Variants in SCN11A observed in about 807,000 individuals in gnomAD.
SCN11A encodes the protein sodium voltage-gated channel alpha subunit 11.
SCN11A carries 122 observed loss-of-function variants against 162.2 expected under a neutral mutation model. The ratio of observed to expected loss-of-function variants is 0.75; its 90% CI spans 0.65 to 0.87. The LOEUF is 0.87. Among genes scored for constraint, SCN11A ranks in the 40% least tolerant of loss-of-function variants. The pLI is 0.00. For missense variants in SCN11A, 2,015 were observed against 2,181.6 expected (o/e 0.92, Z 1.52); for synonymous variants, 758 against 751.5 (o/e 1.01, Z -0.14).
rs1380850051 is a variant in SCN11A at position 39,026,272 on chromosome 3, T to A, written c.-280+6108A>T. On this transcript the variant is annotated intron_variant, in intron 2 of 29. Coordinates refer to ENST00000302328, the MANE Select transcript of SCN11A (RefSeq NM_001349253.2). ...TAAAATAATCCTGTGTTCTTTTTTA[T>A]GTGTGAAGGTTCACTTTCTGAAAAT... Among the ~76,000 whole-genome samples, 6 of 152,366 alleles carry A rather than the reference T, an allele frequency of 3.9e-5. No individual in the cohort carries two copies. The East Asian group carries it at 1.2e-3, about 29-fold the overall frequency.
chr3:38,982,054 AACAG>A (rs2030077729), intron 2 of SCN11A, among the ~76,000 whole-genome samples: 1 of 152,062 alleles, frequency 6.6e-6, no homozygotes, highest in Non-Finnish European at 1.5e-5. Flanking sequence ...AAAAAACAAA[AACAG>A]ACAAACAAAA....
chr3:38,879,921 T>G lies in SCN11A; in HGVS notation c.3393+29A>C, dbSNP rs7625935. The G allele has an allele frequency of 0.059, 94,579 of 1,596,300 alleles. 4,701 individuals carry two copies. Among genetic ancestry groups the G allele is most frequent in the African/African-American group, 0.26 (19,301 of 74,408 alleles). On this transcript the variant is annotated intron_variant, in intron 23 of 29. Coordinates refer to ENST00000302328, the MANE Select transcript of SCN11A (RefSeq NM_001349253.2). ...CCCTGCCTTAACCACTACCCCAGCC[T>G]GTGTGGGACACAGAGATGGTAAACT...
At chr3:38,946,495 C>G (rs1029415566) in intron 6 of SCN11A, among the ~76,000 whole-genome samples, 1 of 152,216 alleles carries the variant, frequency 6.6e-6, no homozygotes, top group African/African-American at 2.4e-5. Flanking sequence ...AAGAAGCCAT[C>G]CTTGATGCCT....
chr3:38,944,786 C>T (rs1452001655), intron 7 of SCN11A, among the ~76,000 whole-genome samples: 1 of 151,798 alleles, frequency 6.6e-6, no homozygotes. Context: ...CATGGTGAAA[C>T]CCTGTCTCTA....
chr3:39,011,788 C>T (rs996038249), intron 2 of SCN11A, among the ~76,000 whole-genome samples: 4 of 152,134 alleles, frequency 2.6e-5, no homozygotes, highest in Admixed American at 1.3e-4. Flanking sequence ...TGCTCTGTCT[C>T]ATCCTAACCA....
rs1266720229 is a variant in SCN11A at position 38,926,842 on chromosome 3, T to C, written c.578A>G (p.Asp193Gly). ...FILDEFSFLRDPWNWLDSIVI... is the reference protein window; with the variant it reads ...FILDEFSFLRGPWNWLDSIVI... ...AATGGAGTCCAGCCAGTTCCATGGA[T>C]CTCGAAGGAAAGAAAACTCATCCAG... is the stretch of plus-strand genomic sequence containing the variant. The change falls in exon 8 of 30, where the codon GAT (aspartate) becomes GGT (glycine). Residue 193 changes from aspartate to glycine, a missense_variant. Physicochemically the swap from Asp to Gly is moderately conservative, Grantham distance 94. Transcript: ENST00000302328. 2.5e-6 allele frequency: 4 copies of C among 1,613,674 alleles called. No individual in the cohort carries two copies. Among genetic ancestry groups the C allele is most frequent in the Admixed American group, 1.7e-5 (1 of 60,016 alleles).
In SCN11A at chr3:38,869,993, T is replaced by C. The variant is rs575610067; in HGVS notation, c.3813+698A>G. ...GGCATCAACTCTGCAGACTCCCAAA[T>C]AGGTCGAAACACACACATGTGCTAT... On this transcript the variant is annotated intron_variant, in intron 26 of 29. Coordinates refer to ENST00000302328, the MANE Select transcript of SCN11A (RefSeq NM_001349253.2). Among the ~76,000 whole-genome samples, 29 of 152,274 alleles carry C rather than the reference T, an allele frequency of 1.9e-4. 1 individual carries two copies. Among genetic ancestry groups the C allele is most frequent in the South Asian group, 8.3e-4 (4 of 4,822 alleles).
intron 23 of SCN11A, among the ~76,000 whole-genome samples, chr3:38,878,894 T>C (rs1018060155): frequency 1.3e-5 from 2 of 152,134 alleles, no homozygotes; most frequent in African/African-American, 2.4e-5. Context: ...CTTCCTTGCA[T>C]AGCAGGGACA....
intron 27 of SCN11A, among the ~76,000 whole-genome samples, chr3:38,864,778 C>T (rs1008008772): frequency 2.6e-5 from 4 of 152,170 alleles, no homozygotes; most frequent in South Asian, 2.1e-4. Context: ...CTTGGAACAT[C>T]GTGGCATTTC....
At chr3:38,995,022 A>G (rs2030576186) in intron 2 of SCN11A, among the ~76,000 whole-genome samples, 1 of 151,950 alleles carries the variant, frequency 6.6e-6, no homozygotes, top group African/African-American at 2.4e-5. Flanking sequence ...ATACAGACAC[A>G]CTTCCTGGGA....
chr3:39,036,003 G>A (rs1021540511), intron 1 of SCN11A, among the ~76,000 whole-genome samples: 1 of 152,162 alleles, frequency 6.6e-6, no homozygotes, highest in Non-Finnish European at 1.5e-5. Context: ...AGGCAACCAG[G>A]TGGTCTGGTC....
chr3:38,876,570 AAAG>A (rs1420996489), intron 23 of SCN11A, among the ~76,000 whole-genome samples: 1 of 152,200 alleles, frequency 6.6e-6, no homozygotes, highest in Non-Finnish European at 1.5e-5. Context: ...ACAATTCTCA[AAAG>A]AAGATTTACA....
intron 25 of SCN11A, among the ~76,000 whole-genome samples, chr3:38,871,133 T>C (rs898749860): frequency 1.3e-5 from 2 of 152,120 alleles, no homozygotes; most frequent in African/African-American, 2.4e-5. Context: ...CTGTTCAAAG[T>C]GTCATGACCT....
chr3:38,885,307 T>C lies in SCN11A; in HGVS notation c.3045A>G (p.Pro1015=). The change falls in exon 21 of 30, where the codon CCA becomes CCG. Residue 1015 remains proline (P), a synonymous_variant. Transcript: ENST00000302328. ...ACTTACCTTTGGGCAAACATCTCTCTGGTTGCTTTTTGGGAACCATCTCAG... is the reference window on the plus strand; with the variant it reads ...ACTTACCTTTGGGCAAACATCTCTCCGGTTGCTTTTTGGGAACCATCTCAG... ...WLPEMVPKKQ[P]ERCLPKGFGC... 1 of 1,608,728 alleles carries C rather than the reference T, an allele frequency of 6.2e-7. No homozygotes were observed. Among genetic ancestry groups the C allele is most frequent in the Non-Finnish European group, 8.5e-7 (1 of 1,175,048 alleles).
chr3:38,921,539 G>C (rs2066052715), intron 9 of SCN11A, among the ~76,000 whole-genome samples: 1 of 152,188 alleles, frequency 6.6e-6, no homozygotes, highest in African/African-American at 2.4e-5. Context: ...GCTTTGAATA[G>C]AAACATGCCA....
At chr3:38,928,077 T>C (rs2066172375) in intron 7 of SCN11A, among the ~76,000 whole-genome samples, 1 of 152,124 alleles carries the variant, frequency 6.6e-6, no homozygotes, top group Non-Finnish European at 1.5e-5. Flanking sequence ...TTTCAACAAA[T>C]GGTAAAGGGA....
intron 22 of SCN11A, among the ~76,000 whole-genome samples, chr3:38,881,296 G>C (rs1287114676): frequency 1.3e-5 from 2 of 152,102 alleles, no homozygotes; most frequent in Non-Finnish European, 2.9e-5. Flanking sequence ...TATACTTTCT[G>C]GTCTATAATC....
chr3:39,001,756 C>T (rs1208331885), intron 2 of SCN11A, among the ~76,000 whole-genome samples: 8 of 151,812 alleles, frequency 5.3e-5, no homozygotes, highest in Non-Finnish European at 1.0e-4. Context: ...TATTATTGGC[C>T]GGGCGCAGTG....
chr3:39,025,220 T>C (rs2031558617), intron 2 of SCN11A, among the ~76,000 whole-genome samples: 1 of 152,042 alleles, frequency 6.6e-6, no homozygotes, highest in South Asian at 2.1e-4. Context: ...AGAGAGACCT[T>C]GGTTCTGAGG....
Sources: allele counts gnomAD v4.1 joint callset (sites outside exome capture counted in the v4.1 genomes callset), GRCh38; gene constraint gnomAD v4.1.1; transcripts MANE v1.5; gene names NCBI Gene and HGNC (gene_info 2026-07-23, HGNC 2026-07-21).